The following MAP2K5 variants were observed in gnomAD, a reference collection of about 807,000 sequenced individuals.
MAP2K5 encodes mitogen-activated protein kinase kinase 5.
MAP2K5 carries 49 observed loss-of-function variants against 83.1 expected under a neutral mutation model. The ratio of observed to expected loss-of-function variants is 0.59; its 90% CI spans 0.47 to 0.75. MAP2K5 has a LOEUF of 0.75. Among genes scored for constraint, MAP2K5 ranks in the 30% least tolerant of loss-of-function variants. The pLI is 0.00. For missense variants in MAP2K5, 457 were observed against 557.5 expected (o/e 0.82, Z 1.82); for synonymous variants, 202 against 191.8 (o/e 1.05, Z -0.44).
At position 67,781,515 on chromosome 15, in the gene MAP2K5, C is replaced by T. The variant is rs147926074; in HGVS notation, c.1242+8763C>T. 1.2e-3 allele frequency among the ~76,000 whole-genome samples: 187 copies of T among 152,192 alleles called. No individual in the cohort carries two copies. The highest frequency in any genetic ancestry group is 4.3e-3 in the African/African-American group (180 of 41,526). On this transcript the variant is annotated intron_variant, in intron 21 of 21. Transcript: ENST00000178640. This position sits in a 1 kb window ranked among gnomAD's most constrained non-coding sequence, Gnocchi z 4.0. ...AGGCAGTAGAGACATTTGGGCCTAC[C>T]GTCCTCTATTTAATTTTCAAGATTA...
Position 67,657,758 on chromosome 15 carries a change from A to G in MAP2K5, c.737-795A>G, listed in dbSNP as rs538888044. Among the ~76,000 whole-genome samples the G allele has an allele frequency of 2.6e-5, 4 of 152,212 alleles. No individual in the cohort carries two copies. In the East Asian group the frequency reaches 7.7e-4, roughly 29 times the overall value. ...TATATGCATGTGTCTATATGCATAT[A>G]TATGTATACTTGCATACATATGTTT... On this transcript the variant is annotated intron_variant, in intron 11 of 21. Transcript: ENST00000178640.
At chr15:67,625,673 C>T (rs1425179587) in intron 8 of MAP2K5, among the ~76,000 whole-genome samples, 2 of 152,156 alleles carry the variant, frequency 1.3e-5, no homozygotes, top group African/African-American at 4.8e-5. Context: ...TCGACTCATG[C>T]CTGGCATTGC....
At chr15:67,643,364 G>A (rs2141113347) in intron 9 of MAP2K5, among the ~76,000 whole-genome samples, 1 of 152,298 alleles carries the variant, frequency 6.6e-6, no homozygotes, top group South Asian at 2.1e-4. Context: ...TATTGATCAG[G>A]AGAAGTGTTT....
intron 16 of MAP2K5, among the ~76,000 whole-genome samples, chr15:67,723,112 C>T (rs968591775): frequency 1.1e-4 from 16 of 152,078 alleles, no homozygotes; most frequent in Non-Finnish European, 1.6e-4. Context: ...TTTCTGGCTA[C>T]AATGTTTGTT....
In MAP2K5 at chr15:67,640,705, G is replaced by A. The variant is rs537040614; in HGVS notation, c.586-5526G>A. The A allele has an allele frequency of 2.2e-5, 8 of 371,522 alleles. No homozygotes were observed. The South Asian group carries it at 7.7e-4, about 36-fold the overall frequency. The allele number at this position is 371,522 out of a possible 1,614,324, so 23.0% of individuals were successfully genotyped here. The stretch of plus-strand genomic sequence containing the variant: ...ATCTGTTGCTTTTCCTACTCAAAAT[G>A]TTTCTCATGTTATGCTTCTAAATGT... On this transcript the variant is annotated intron_variant, in intron 9 of 21. Transcript: ENST00000178640. The surrounding 1 kb of genome is among the most constrained non-coding windows in gnomAD (Gnocchi z 4.6).
intron 15 of MAP2K5, among the ~76,000 whole-genome samples, chr15:67,696,244 A>G (rs754516401): frequency 6.6e-6 from 1 of 151,872 alleles, no homozygotes; most frequent in Non-Finnish European, 1.5e-5. Context: ...CTCAGGCCAA[A>G]TTCAATTTAC....
In MAP2K5 at chr15:67,782,072, G is replaced by C. The variant is rs148154004; in HGVS notation, c.1242+9320G>C. On this transcript the variant is annotated intron_variant, in intron 21 of 21. Transcript: ENST00000178640. The surrounding 1 kb of genome is among the most constrained non-coding windows in gnomAD (Gnocchi z 4.9). ...TTTTTAATCCTCTGAATCCCCAGTGGAGCAGCAGTCATTGTGGAAGAGCCT... is the reference window on the plus strand; with the variant it reads ...TTTTTAATCCTCTGAATCCCCAGTGCAGCAGCAGTCATTGTGGAAGAGCCT... 6.6e-6 allele frequency among the ~76,000 whole-genome samples: 1 copy of C among 152,298 alleles called. No homozygotes were observed. Among genetic ancestry groups the C allele is most frequent in the African/African-American group, 2.4e-5 (1 of 41,558 alleles).
chr15:67,625,642 T>G (rs1267033847), intron 8 of MAP2K5, among the ~76,000 whole-genome samples: 1 of 152,168 alleles, frequency 6.6e-6, no homozygotes, highest in East Asian at 1.9e-4. Context: ...TAAATACCAT[T>G]TGGAAAGTTA....
In MAP2K5 at chr15:67,555,256, G is replaced by A. The variant is rs1476850473; in HGVS notation, c.184+5174G>A. ...TTTACTTATGGCAGAAAGTGAAGGG[G>A]CAGCAGGCGTGTCACATGGCGAGAG... On this transcript the variant is annotated intron_variant, in intron 2 of 21. Coordinates refer to ENST00000178640, the MANE Select transcript of MAP2K5 (RefSeq NM_145160.3). The surrounding 1 kb of genome is among the most constrained non-coding windows in gnomAD (Gnocchi z 5.2). 6.6e-6 allele frequency among the ~76,000 whole-genome samples: 1 copy of A among 152,140 alleles called. No homozygotes were observed. Among genetic ancestry groups the A allele is most frequent in the Non-Finnish European group, 1.5e-5 (1 of 68,026 alleles).
chr15:67,779,665 T>TG lies in MAP2K5; in HGVS notation c.1242+6914dup, dbSNP rs2090296075. Reference sequence around the variant, plus strand: ...CAGATCTCTTAGTATGATGATGACTTGCCTGTTTAAGATTGTAGTTATTTG... The same window carrying TG: ...CAGATCTCTTAGTATGATGATGACTTGGCCTGTTTAAGATTGTAGTTATTTG... On this transcript the variant is annotated intron_variant, in intron 21 of 21. Transcript: ENST00000178640. This position sits in a 1 kb window ranked among gnomAD's most constrained non-coding sequence, Gnocchi z 4.6. 6.6e-6 allele frequency among the ~76,000 whole-genome samples: 1 copy of TG among 152,248 alleles called. No homozygotes were observed. The highest frequency in any genetic ancestry group is 2.4e-5 in the African/African-American group (1 of 41,460).
chr15:67,591,570 C>T (rs937333198), intron 6 of MAP2K5, among the ~76,000 whole-genome samples: 27 of 150,912 alleles, frequency 1.8e-4, no homozygotes, highest in African/African-American at 5.6e-4. Context: ...AGGGTTTCAC[C>T]GTGTTAGCCA....
intron 21 of MAP2K5, among the ~76,000 whole-genome samples, chr15:67,773,629 A>C (rs2090182509): frequency 6.6e-6 from 1 of 152,238 alleles, no homozygotes; most frequent in East Asian, 1.9e-4. Flanking sequence ...CCTTGAATAT[A>C]AAATAACAGT....
chr15:67,559,875 T>C lies in MAP2K5; in HGVS notation c.185-3408T>C, dbSNP rs1331288363. Among the ~76,000 whole-genome samples, 7 of 152,218 alleles carry C rather than the reference T, an allele frequency of 4.6e-5. No homozygotes were observed. Among genetic ancestry groups the C allele is most frequent in the Non-Finnish European group, 1.0e-4 (7 of 68,044 alleles). The stretch of plus-strand genomic sequence containing the variant: ...TGGCAAAGAACCTCCATGTATAAGA[T>C]AGAAAAAGCTCAAATTATTTTCTTG... On this transcript the variant is annotated intron_variant, in intron 2 of 21. Coordinates refer to ENST00000178640, the MANE Select transcript of MAP2K5 (RefSeq NM_145160.3). The surrounding 1 kb of genome is among the most constrained non-coding windows in gnomAD (Gnocchi z 4.7).
intron 9 of MAP2K5, 111 bp downstream of exon 9, chr15:67,631,038 G>A (rs2086462495): frequency 5.0e-6 from 4 of 806,546 alleles, no homozygotes; most frequent in Non-Finnish European, 8.0e-6. Flanking sequence ...TTAAGGTTTA[G>A]ATGGTAGGTA....
intron 2 of MAP2K5, among the ~76,000 whole-genome samples, chr15:67,557,629 G>T (rs895685158): frequency 2.0e-5 from 3 of 152,124 alleles, no homozygotes; most frequent in Non-Finnish European, 2.9e-5. Context: ...TTTAAATTTG[G>T]CATAGTATGA....
At chr15:67,547,774 C>T (rs1358359267) in intron 1 of MAP2K5, among the ~76,000 whole-genome samples, 1 of 152,078 alleles carries the variant, frequency 6.6e-6, no homozygotes, top group Non-Finnish European at 1.5e-5. Flanking sequence ...CTTTTGAAAC[C>T]TTCTTTAGGT....
At position 67,782,972 on chromosome 15, in the gene MAP2K5, C is replaced by A. The variant is rs530629058; in HGVS notation, c.1242+10220C>A. ...ATCATCTGGAAAGTGGGTTAAGCACCGAAGGAAGGTGTAAGGATGGCTTTT... is the reference window on the plus strand; with the variant it reads ...ATCATCTGGAAAGTGGGTTAAGCACAGAAGGAAGGTGTAAGGATGGCTTTT... On this transcript the variant is annotated intron_variant, in intron 21 of 21. Coordinates refer to ENST00000178640, the MANE Select transcript of MAP2K5 (RefSeq NM_145160.3). This position sits in a 1 kb window ranked among gnomAD's most constrained non-coding sequence, Gnocchi z 4.9. 1.8e-4 allele frequency among the ~76,000 whole-genome samples: 28 copies of A among 152,202 alleles called. No individual in the cohort carries two copies. The highest frequency in any genetic ancestry group is 4.0e-4 in the Non-Finnish European group (27 of 68,036).
intron 1 of MAP2K5, among the ~76,000 whole-genome samples, chr15:67,549,372 T>C (rs1255006195): frequency 6.6e-6 from 1 of 152,268 alleles, no homozygotes; most frequent in African/African-American, 2.4e-5. Flanking sequence ...GTATGTTTTC[T>C]GTTGCTTAAG....
At chr15:67,617,754 C>G (rs538055234) in intron 8 of MAP2K5, among the ~76,000 whole-genome samples, 1 of 152,120 alleles carries the variant, frequency 6.6e-6, no homozygotes, top group Non-Finnish European at 1.5e-5. Context: ...TGCAGTGATA[C>G]GATCATGGCT....
Sources: gnomAD v4.1 joint callset for allele counts (sites outside exome capture counted in the v4.1 genomes callset) on GRCh38, gnomAD v4.1.1 for gene constraint, Gnocchi (gnomAD v3.1) non-coding constraint, MANE v1.5 for transcripts, NCBI Gene and HGNC (gene_info 2026-07-23, HGNC 2026-07-21) for gene names.